Variants in BICD1 observed in about 807,000 individuals in gnomAD.
BICD1 encodes protein bicaudal D homolog 1.
A neutral mutation model predicts 92.5 loss-of-function variants in BICD1; 35 were observed. The ratio of observed to expected loss-of-function variants is 0.38; its 90% CI spans 0.29 to 0.50. The LOEUF (loss-of-function observed/expected upper bound fraction) is 0.50, where lower values mean the gene tolerates loss of function less well. Among genes scored for constraint, BICD1 ranks in the 20% least tolerant of loss-of-function variants. The probability of loss-of-function intolerance (pLI) is 0.93; values close to 1 mark genes in which losing one functional copy is unlikely to be tolerated. For missense variants in BICD1, 950 were observed against 1,189.8 expected, an observed-to-expected ratio of 0.80 and a Z score of 2.97; for synonymous variants, 429 against 465.1, an observed-to-expected ratio of 0.92 and a Z score of 1.00.
chr12:32,137,987 C>G (rs1050397071), intron 1 of BICD1, among the ~76,000 whole-genome samples: 2 of 152,038 alleles, frequency 1.3e-5, no homozygotes, highest in Non-Finnish European at 2.9e-5. Flanking sequence ...TTAGTAGGGA[C>G]AGGGTTTTGC....
chr12:32,252,433 T>G (rs1025269390), intron 2 of BICD1, among the ~76,000 whole-genome samples: 10 of 151,840 alleles, frequency 6.6e-5, no homozygotes, highest in African/African-American at 2.4e-4. Context: ...TGGGAGCAGG[T>G]GGGTGGCATG....
intron 4 of BICD1, among the ~76,000 whole-genome samples, chr12:32,325,607 A>C (rs1283831496): frequency 2.0e-5 from 3 of 152,042 alleles, no homozygotes; most frequent in Non-Finnish European, 4.4e-5. Context: ...ATACTACTCT[A>C]CTCTATTATA....
intron 2 of BICD1, among the ~76,000 whole-genome samples, chr12:32,264,777 C>G (rs1946946378): frequency 6.6e-6 from 1 of 152,134 alleles, no homozygotes. Context: ...GTGTGAGCCA[C>G]CATGCCCAGC....
chr12:32,213,387 G>T (rs753472000), intron 1 of BICD1, among the ~76,000 whole-genome samples: 11 of 151,322 alleles, frequency 7.3e-5, no homozygotes, highest in Admixed American at 6.6e-4. Context: ...AATGTTTTTT[G>T]TTGTTGTTGT....
intron 1 of BICD1, among the ~76,000 whole-genome samples, chr12:32,149,965 C>G (rs1199319245): frequency 6.6e-6 from 1 of 152,136 alleles, no homozygotes; most frequent in African/African-American, 2.4e-5. Flanking sequence ...ACTTGCAGTT[C>G]CAGGTGGCTG....
intron 3 of BICD1, among the ~76,000 whole-genome samples, chr12:32,300,879 C>G (rs1948025791): frequency 6.6e-6 from 1 of 151,822 alleles, no homozygotes; most frequent in Non-Finnish European, 1.5e-5. Context: ...TCTTGATCTC[C>G]TGACCTCATG....
rs1940235820 is a variant in BICD1 at position 32,382,933 on chromosome 12, C to G, written c.*5306C>G. On this transcript the variant is annotated 3_prime_UTR_variant, in exon 10 of 10. Coordinates refer to ENST00000652176, the MANE Select transcript of BICD1 (RefSeq NM_001714.4). ...GCAGCCAGTCTTAGAGGAAATACAT[C>G]ATTTTAACATTATTCCCACAAAATG... The G allele has an allele frequency of 6.6e-6, 1 of 152,160 alleles. No individual in the cohort carries two copies. The highest frequency in any genetic ancestry group is 1.9e-4 in the East Asian group (1 of 5,182). 9.4% of individuals were successfully genotyped at this position (152,160 alleles called of 1,614,324 possible).
intron 2 of BICD1, among the ~76,000 whole-genome samples, chr12:32,261,637 T>C (rs139001116): frequency 6.6e-6 from 1 of 152,372 alleles, no homozygotes; most frequent in Admixed American, 6.5e-5. Context: ...CAGTGCCATT[T>C]TGATGCTGGA....
At chr12:32,160,999 G>A (rs150616170) in intron 1 of BICD1, among the ~76,000 whole-genome samples, 133 of 152,260 alleles carry the variant, frequency 8.7e-4, no homozygotes, top group African/African-American at 3.1e-3. Context: ...GTGGCTCTCT[G>A]AGCAATATCT....
At chr12:32,331,885 CGTA>C (rs1937889376) in intron 5 of BICD1, among the ~76,000 whole-genome samples, 2 of 152,034 alleles carry the variant, frequency 1.3e-5, no homozygotes, top group South Asian at 4.1e-4. Context: ...TGCTTATTGC[CGTA>C]AATAGCTTCA....
chr12:32,293,906 TA>T, intron 2 of BICD1, 87 bp from the exon 3 acceptor site: 1 of 1,339,458 alleles, frequency 7.5e-7, no homozygotes, highest in Non-Finnish European at 1.0e-6. Flanking sequence ...GAGGTGTTTT[TA>T]TTATTATTTT....
intron 8 of BICD1, among the ~76,000 whole-genome samples, chr12:32,358,019 T>C (rs1224227011): frequency 3.3e-5 from 5 of 152,178 alleles, no homozygotes; most frequent in Admixed American, 3.3e-4. Context: ...CCATGGGCCC[T>C]AAGAAAATCA....
At chr12:32,148,502 C>A (rs919922406) in intron 1 of BICD1, among the ~76,000 whole-genome samples, 17 of 152,154 alleles carry the variant, frequency 1.1e-4, no homozygotes, top group African/African-American at 2.9e-4. Context: ...GGGTTTAATT[C>A]ACATGCAAGA....
intron 1 of BICD1, among the ~76,000 whole-genome samples, chr12:32,185,899 C>T (rs1231323603): frequency 6.6e-6 from 1 of 151,344 alleles, no homozygotes; most frequent in East Asian, 1.9e-4. Context: ...AGGAAGATGG[C>T]CTTCTCAACC....
chr12:32,348,530 TACTTATGTTC>T, intron 8 of BICD1, among the ~76,000 whole-genome samples: 1 of 151,528 alleles, frequency 6.6e-6, no homozygotes, highest in South Asian at 2.1e-4. Context: ...AATTAGTTCA[TACTTATGTTC>T]ACCTAAGTCC....
chr12:32,341,313 A>G (rs187287623), intron 8 of BICD1, among the ~76,000 whole-genome samples: 1 of 152,136 alleles, frequency 6.6e-6, no homozygotes, highest in Non-Finnish European at 1.5e-5. Context: ...CCGTCTCTAC[A>G]AAAATTAGCC....
intron 1 of BICD1, among the ~76,000 whole-genome samples, chr12:32,123,373 A>G (rs1243193014): frequency 2.0e-5 from 3 of 152,196 alleles, no homozygotes; most frequent in Admixed American, 1.3e-4. Context: ...GAAAAGTCAC[A>G]ATGTTCTGCA....
chr12:32,137,915 A>C (rs1942785708), intron 1 of BICD1, among the ~76,000 whole-genome samples: 1 of 151,974 alleles, frequency 6.6e-6, no homozygotes. Flanking sequence ...CTCCTGCCTC[A>C]GTCTCCCAAG....
intron 2 of BICD1, among the ~76,000 whole-genome samples, chr12:32,292,458 G>A (rs1947750953): frequency 6.6e-6 from 1 of 152,128 alleles, no homozygotes; most frequent in Non-Finnish European, 1.5e-5. Flanking sequence ...TGGGAGTTAG[G>A]ACTTCAACAT....
Sources: gnomAD v4.1 joint callset for allele counts (sites outside exome capture counted in the v4.1 genomes callset) on GRCh38, gnomAD v4.1.1 for gene constraint, MANE v1.5 for transcripts, NCBI Gene and HGNC (gene_info 2026-07-23, HGNC 2026-07-21) for gene names.